DPP10: variants seen among roughly 807,000 people sequenced by gnomAD.
DPP10 encodes inactive dipeptidyl peptidase 10.
Under a neutral mutation model 120.9 loss-of-function variants are expected in DPP10, and 33 were observed. The ratio of observed to expected loss-of-function variants is 0.27; its 90% CI spans 0.21 to 0.37. The LOEUF (loss-of-function observed/expected upper bound fraction) is 0.37. DPP10 is among the 10% of genes least tolerant of loss of function. The pLI is 1.00. For missense variants in DPP10, 816 were observed against 942.8 expected (o/e 0.87, Z 1.76); for synonymous variants, 337 against 326.1 (o/e 1.03, Z -0.36).
rs199506831 is a variant in DPP10 at position 115,130,501 on chromosome 2, T to C, written c.61-178738T>C. 5.7e-3 allele frequency among the ~76,000 whole-genome samples: 832 copies of C among 144,962 alleles called. 7 individuals are homozygous for C. Among genetic ancestry groups the C allele is most frequent in the African/African-American group, 0.014 (523 of 38,536 alleles). ...CCATCCATGCATCCATCCATCCATCTATCCATCCATCCATCCATCCATCCA... is the reference window on the plus strand; with the variant it reads ...CCATCCATGCATCCATCCATCCATCCATCCATCCATCCATCCATCCATCCA... On this transcript the variant is annotated intron_variant, in intron 1 of 25. Transcript: ENST00000410059.
At chr2:115,831,140 G>A (rs957147326) in intron 21 of DPP10, among the ~76,000 whole-genome samples, 5 of 152,140 alleles carry the variant, frequency 3.3e-5, no homozygotes, top group African/African-American at 1.2e-4. Context: ...AATTTATCTT[G>A]TATTTATAAA....
intron 4 of DPP10, among the ~76,000 whole-genome samples, chr2:115,511,123 A>T (rs1365210343): frequency 6.6e-6 from 1 of 152,134 alleles, no homozygotes; most frequent in East Asian, 1.9e-4. Context: ...TAGAATAAGT[A>T]GCAAATTGTT....
intron 1 of DPP10, among the ~76,000 whole-genome samples, chr2:114,937,821 A>G (rs1696598471): frequency 1.3e-5 from 2 of 152,150 alleles, no homozygotes; most frequent in African/African-American, 4.8e-5. Context: ...CATATTTTCT[A>G]AAAGCCGTCT....
chr2:115,681,607 A>G (rs944502383), intron 5 of DPP10, among the ~76,000 whole-genome samples: 1 of 151,810 alleles, frequency 6.6e-6, no homozygotes, highest in African/African-American at 2.4e-5. Flanking sequence ...TTTAATCCTC[A>G]TAATAAAACA....
At chr2:114,745,182 T>C (rs1180667791) in intron 1 of DPP10, among the ~76,000 whole-genome samples, 1 of 152,224 alleles carries the variant, frequency 6.6e-6, no homozygotes, top group Non-Finnish European at 1.5e-5. Context: ...TGCCTTGTTA[T>C]TCCTTTTGAA....
At chr2:115,042,200 T>G (rs1423436761) in intron 1 of DPP10, among the ~76,000 whole-genome samples, 2 of 152,132 alleles carry the variant, frequency 1.3e-5, no homozygotes, top group Non-Finnish European at 2.9e-5. Context: ...AATTATGCAA[T>G]ACAAGTAAAA....
intron 17 of DPP10, among the ~76,000 whole-genome samples, chr2:115,783,374 C>A (rs1244300338): frequency 2.6e-5 from 4 of 152,090 alleles, no homozygotes. Context: ...ACTACTTTTT[C>A]TATTGTGCTT....
At chr2:114,492,656 TTAAA>T (rs1416466090) in intron 1 of DPP10, among the ~76,000 whole-genome samples, 2 of 152,202 alleles carry the variant, frequency 1.3e-5, no homozygotes, top group African/African-American at 4.8e-5. Flanking sequence ...AAAAGTTGTC[TTAAA>T]TAGAAGTTAA....
At chr2:115,182,122 T>A in intron 1 of DPP10, among the ~76,000 whole-genome samples, 1 of 152,320 alleles carries the variant, frequency 6.6e-6, no homozygotes, top group Non-Finnish European at 1.5e-5. Context: ...TATTTGAGAA[T>A]AAATCTAATG....
intron 1 of DPP10, among the ~76,000 whole-genome samples, chr2:114,859,442 A>G (rs921068567): frequency 1.1e-4 from 17 of 152,288 alleles, no homozygotes; most frequent in African/African-American, 3.4e-4. Context: ...ACATGTGACC[A>G]TACCATAATT....
intron 4 of DPP10, among the ~76,000 whole-genome samples, chr2:115,511,614 G>T (rs2077226412): frequency 6.7e-6 from 1 of 148,500 alleles, no homozygotes; most frequent in Non-Finnish European, 1.5e-5. Flanking sequence ...GCTTGTGTTA[G>T]TTTCCTTGTT....
intron 5 of DPP10, among the ~76,000 whole-genome samples, chr2:115,651,108 G>A (rs908868293): frequency 6.6e-6 from 1 of 152,056 alleles, no homozygotes. Context: ...AAACTTGAGA[G>A]AAGGGTCTGA....
At chr2:115,783,652 G>A (rs745695526) in intron 17 of DPP10, among the ~76,000 whole-genome samples, 26 of 152,100 alleles carry the variant, frequency 1.7e-4, no homozygotes, top group African/African-American at 3.4e-4. Flanking sequence ...CATTATTTCC[G>A]TCTTCAGTGT....
intron 1 of DPP10, among the ~76,000 whole-genome samples, chr2:114,942,318 T>TATATACATATATATATATATATATAC (rs1696989271): frequency 8.1e-6 from 1 of 123,980 alleles, no homozygotes; most frequent in Non-Finnish European, 1.6e-5. Context: ...TATATATATA[T>TATATACATATATATATATATATATAC]ATACACACAC....
intron 5 of DPP10, among the ~76,000 whole-genome samples, chr2:115,611,022 G>C (rs770339067): frequency 1.3e-5 from 2 of 152,002 alleles, no homozygotes; most frequent in Non-Finnish European, 1.5e-5. Flanking sequence ...TATTATATCA[G>C]ACTGATGTAT....
rs553437148 is a variant in DPP10 at position 115,006,077 on chromosome 2, A to G, written c.61-303162A>G. Reference sequence around the variant, plus strand: ...GGGCCAATATTCAACATTCTTAAAGAAAAGAATTTTCAATCCAGAATTTCA... The same window carrying G: ...GGGCCAATATTCAACATTCTTAAAGGAAAGAATTTTCAATCCAGAATTTCA... On this transcript the variant is annotated intron_variant, in intron 1 of 25. Coordinates refer to ENST00000410059, the MANE Select transcript of DPP10 (RefSeq NM_020868.6). Among the ~76,000 whole-genome samples the G allele has an allele frequency of 1.5e-4, 23 of 152,340 alleles. No homozygotes were observed. In the East Asian group the frequency reaches 3.7e-3, roughly 24 times the overall value.
intron 5 of DPP10, among the ~76,000 whole-genome samples, chr2:115,662,949 T>C (rs1361559980): frequency 1.3e-5 from 2 of 152,202 alleles, no homozygotes; most frequent in African/African-American, 4.8e-5. Flanking sequence ...CACTTCACTT[T>C]TCTTGCATGT....
intron 5 of DPP10, among the ~76,000 whole-genome samples, chr2:115,552,046 C>G (rs955310658): frequency 1.3e-5 from 2 of 152,060 alleles, no homozygotes; most frequent in African/African-American, 4.8e-5. Context: ...TGTGCCACAC[C>G]TATTCCAAGC....
chr2:114,874,995 A>G (rs1199498984), intron 1 of DPP10, among the ~76,000 whole-genome samples: 1 of 152,124 alleles, frequency 6.6e-6, no homozygotes, highest in Non-Finnish European at 1.5e-5. Context: ...CTCTTTATGA[A>G]ACAACAATGG....
Sources: gnomAD v4.1 joint callset for allele counts (sites outside exome capture counted in the v4.1 genomes callset) on GRCh38, gnomAD v4.1.1 for gene constraint, MANE v1.5 for transcripts, NCBI Gene and HGNC (gene_info 2026-07-23, HGNC 2026-07-21) for gene names.